Variants in ITPRID2 observed in about 807,000 individuals in gnomAD.
ITPRID2 encodes ITPR interacting domain containing 2.
A neutral mutation model predicts 124.3 loss-of-function variants in ITPRID2; 60 were observed. That is an observed-to-expected ratio of 0.48 (90% CI 0.39 to 0.60). The LOEUF (loss-of-function observed/expected upper bound fraction) is 0.60, where lower values mean the gene tolerates loss of function less well. Ranked by LOEUF, ITPRID2 falls within the 20% of genes least tolerant of loss-of-function variation. The pLI is 0.00. For missense variants in ITPRID2, 1,553 were observed against 1,512.2 expected, an observed-to-expected ratio of 1.03 and a Z score of -0.45; for synonymous variants, 521 against 542.9, an observed-to-expected ratio of 0.96 and a Z score of 0.56.
At chr2:181,913,469 A>G (rs957671825) in intron 9 of ITPRID2, among the ~76,000 whole-genome samples, 4 of 152,208 alleles carry the variant, frequency 2.6e-5, no homozygotes, top group South Asian at 4.1e-4. Context: ...ACATATTTAC[A>G]TAATGGAAAT....
At position 181,919,496 on chromosome 2, in the gene ITPRID2, A is replaced by G. The variant is rs746810024; in HGVS notation, c.3144+50A>G. 3 of 1,489,020 alleles carry G rather than the reference A, an allele frequency of 2.0e-6. No individual in the cohort carries two copies. The highest frequency in any genetic ancestry group is 2.7e-6 in the Non-Finnish European group (3 of 1,124,422). 92.2% of individuals were successfully genotyped at this position (1,489,020 alleles called of 1,614,324 possible). ...AGTTTTCACCAAAGGTTTATTTATA[A>G]TGTTCCAATAATTTAGGACGTGTGC... On this transcript the variant is annotated intron_variant, in intron 14 of 17. Transcript: ENST00000431877. The surrounding 1 kb of genome is among the most constrained non-coding windows in gnomAD (Gnocchi z 4.2).
Position 181,892,567 on chromosome 2 carries a change from C to G in ITPRID2, c.212-48C>G, listed in dbSNP as rs538772535. 1 of 1,612,098 alleles carries G rather than the reference C, an allele frequency of 6.2e-7. No individual in the cohort carries two copies. Among genetic ancestry groups the G allele is most frequent in the Non-Finnish European group, 8.5e-7 (1 of 1,178,202 alleles). ...GGAGGGTCCAGGGTGACTCCGCCGT[C>G]GTAGTGCTCCTGGGTGGTAACGTGC... is the stretch of plus-strand genomic sequence containing the variant. On this transcript the variant is annotated intron_variant, in intron 1 of 17. Transcript: ENST00000431877. This position sits in a 1 kb window ranked among gnomAD's most constrained non-coding sequence, Gnocchi z 5.2.
chr2:181,904,911 G>C (rs1692975829), intron 8 of ITPRID2, among the ~76,000 whole-genome samples: 1 of 152,158 alleles, frequency 6.6e-6, no homozygotes, highest in South Asian at 2.1e-4. Flanking sequence ...TGATGAGACT[G>C]CTCCTGGCCT....
intron 9 of ITPRID2, among the ~76,000 whole-genome samples, chr2:181,913,220 A>G (rs1367269945): frequency 2.0e-5 from 3 of 152,070 alleles, no homozygotes; most frequent in Non-Finnish European, 2.9e-5. Flanking sequence ...GGCACCCGCT[A>G]CCACGCCTGG....
At position 181,892,272 on chromosome 2, in the gene ITPRID2, G is replaced by C. The variant is rs560220325; in HGVS notation, c.206G>C (p.Gly69Ala). Residue 69 changes from glycine (G) to alanine (A), a missense_variant, in exon 1 of 18, where the codon GGA becomes GCA. By Grantham distance (60) the Gly-to-Ala change is moderately conservative. Transcript: ENST00000431877. The surrounding 1 kb of genome is among the most constrained non-coding windows in gnomAD (Gnocchi z 5.2). ...GGCGCGCAGCTGCCGGCAGCGGGGG[G>C]AAGAGGTCGGTGCTCCCGGCCGGGC... is the stretch of plus-strand genomic sequence containing the variant. ...LPGAQLPAAG[G>A]RGNVPNEKIA... is the part of the protein sequence containing the mutation. 2.7e-4 allele frequency: 410 copies of C among 1,547,102 alleles called. 7 individuals carry two copies. In the South Asian group the frequency reaches 4.6e-3, roughly 17 times the overall value.
rs1021664092 is a variant in ITPRID2, at chr2:181,891,753, C to G, written c.-314C>G. On this transcript the variant is annotated 5_prime_UTR_variant, in exon 1 of 18. Coordinates refer to ENST00000431877, the MANE Select transcript of ITPRID2 (RefSeq NM_001130445.3). ...GCAGACGCGCAGCGGCCGGCCTGCTCCGGGCGCGTCAGGCAGGGGGTGGGG... is the reference window on the plus strand; with the variant it reads ...GCAGACGCGCAGCGGCCGGCCTGCTGCGGGCGCGTCAGGCAGGGGGTGGGG... 1 of 159,900 alleles carries G rather than the reference C, an allele frequency of 6.3e-6. No homozygotes were observed. Among genetic ancestry groups the G allele is most frequent in the Non-Finnish European group, 1.3e-5 (1 of 74,084 alleles). The allele number at this position is 159,900 out of a possible 1,614,324, so 9.9% of individuals were successfully genotyped here.
intron 8 of ITPRID2, among the ~76,000 whole-genome samples, chr2:181,904,261 A>G (rs1270794176): frequency 1.4e-5 from 2 of 141,356 alleles, no homozygotes; most frequent in Admixed American, 1.4e-4. Flanking sequence ...GAAGAAAGCA[A>G]TGTAGCATTG....
intron 6 of ITPRID2, 115 bp from the exon 7 acceptor site, chr2:181,900,581 G>C: frequency 1.3e-6 from 1 of 765,030 alleles, no homozygotes; most frequent in Non-Finnish European, 2.1e-6. Context: ...AGCAGAAGCT[G>C]AGAAAAAAGA....
chr2:181,919,556 AAGCATGC>A lies in ITPRID2; in HGVS notation c.3144+112_3144+118del. The A allele has an allele frequency of 2.4e-6, 3 of 1,231,092 alleles. No homozygotes were observed. Among genetic ancestry groups the A allele is most frequent in the Non-Finnish European group, 3.3e-6 (3 of 912,198 alleles). 76.3% of individuals were successfully genotyped at this position (1,231,092 alleles called of 1,614,324 possible). On this transcript the variant is annotated intron_variant, in intron 14 of 17. Transcript: ENST00000431877. This position sits in a 1 kb window ranked among gnomAD's most constrained non-coding sequence, Gnocchi z 4.2. Reference sequence around the variant, plus strand: ...AAGTCATTTATTTTAATGGTATTAAAAGCATGCATACTGTTTAAGGAGCTTTCCCACA... The same window carrying A: ...AAGTCATTTATTTTAATGGTATTAAAATACTGTTTAAGGAGCTTTCCCACA...
In ITPRID2 at chr2:181,902,448, C is replaced by G; in HGVS notation, c.1395C>G (p.Asp465Glu). The change falls in exon 8 of 18, where the codon GAC (aspartate) becomes GAG (glutamate). Residue 465 changes from aspartate (D) to glutamate (E), a missense_variant. Physicochemically the swap from Asp to Glu is conservative, Grantham distance 45. Transcript: ENST00000431877. The surrounding 1 kb of genome is among the most constrained non-coding windows in gnomAD (Gnocchi z 4.4). ...SIRNIMTQQK[D>E]SFEMEEVQST... ...GAAATATAATGACACAGCAGAAGGA[C>G]TCCTTCGAAATGGAAGAGGTAGGTA... The G allele has an allele frequency of 2.6e-6, 4 of 1,566,200 alleles. No individual in the cohort carries two copies. Among genetic ancestry groups the G allele is most frequent in the Non-Finnish European group, 3.5e-6 (4 of 1,156,866 alleles).
At chr2:181,922,853 C>T (rs1411798707) in intron 16 of ITPRID2, among the ~76,000 whole-genome samples, 2 of 151,710 alleles carry the variant, frequency 1.3e-5, no homozygotes, top group African/African-American at 2.4e-5. Flanking sequence ...ACCTGGGAGG[C>T]GGAGGTTGCA....
In ITPRID2 at chr2:181,929,220, G is replaced by A. The variant is rs138549164; in HGVS notation, c.*14-341G>A. ...TAATATATATTAATAATAATTCTTG[G>A]TGAATGCAAAAAGAAAGAATAAGTT... On this transcript the variant is annotated intron_variant, in intron 17 of 17. Transcript: ENST00000431877. Among the ~76,000 whole-genome samples, 614 of 151,042 alleles carry A rather than the reference G, an allele frequency of 4.1e-3. 3 individuals carry two copies. Among genetic ancestry groups the A allele is most frequent in the African/African-American group, 0.014 (584 of 41,232 alleles).
rs942303269 is a variant in ITPRID2, at chr2:181,907,073, A to T, written c.1414-2826A>T. Among the ~76,000 whole-genome samples, 5 of 152,242 alleles carry T rather than the reference A, an allele frequency of 3.3e-5. No individual in the cohort carries two copies. Among genetic ancestry groups the T allele is most frequent in the African/African-American group, 1.2e-4 (5 of 41,470 alleles). ...GATATACAATGTTTATTCAATGATG[A>T]CAGCTATACAGTCTCTTTTTAAACT... On this transcript the variant is annotated intron_variant, in intron 8 of 17. Transcript: ENST00000431877. The surrounding 1 kb of genome is among the most constrained non-coding windows in gnomAD (Gnocchi z 5.1).
At chr2:181,897,508 G>C (rs1692299638) in intron 4 of ITPRID2, among the ~76,000 whole-genome samples, 1 of 151,926 alleles carries the variant, frequency 6.6e-6, no homozygotes, top group Admixed American at 6.6e-5. Flanking sequence ...ATTTTAAAAA[G>C]TGTGTTGTGC....
chr2:181,908,270 T>C (rs957528999), intron 8 of ITPRID2, among the ~76,000 whole-genome samples: 1 of 151,786 alleles, frequency 6.6e-6, no homozygotes. Context: ...AGATTAAATT[T>C]AAAAAAAACA....
rs183668928 is a variant in ITPRID2 at position 181,926,942 on chromosome 2, C to T, written c.3676-1219C>T. Among the ~76,000 whole-genome samples the T allele has an allele frequency of 7.5e-3, 1,148 of 152,216 alleles. 5 individuals carry two copies. Among genetic ancestry groups the T allele is most frequent in the Middle Eastern group, 0.014 (4 of 294 alleles). ...TTAAAATATTTGTATCCAACACATA[C>T]TTGTTTGAAAAGTAAATCTGAAGTG... On this transcript the variant is annotated intron_variant, in intron 16 of 17. Coordinates refer to ENST00000431877, the MANE Select transcript of ITPRID2 (RefSeq NM_001130445.3).
At chr2:181,908,766 T>C (rs1693359445) in intron 8 of ITPRID2, among the ~76,000 whole-genome samples, 1 of 152,204 alleles carries the variant, frequency 6.6e-6, no homozygotes, top group East Asian at 1.9e-4. Context: ...ATTTCACTCT[T>C]ATTCCTTTGG....
In ITPRID2 at chr2:181,928,283, A is replaced by G; in HGVS notation, c.*13+5A>G. ...ATCATTAAACAGAAATTATAGGTAAATTTTTCTGAGTTTCTTTGTTGAGCT... is the reference window on the plus strand; with the variant it reads ...ATCATTAAACAGAAATTATAGGTAAGTTTTTCTGAGTTTCTTTGTTGAGCT... On this transcript the variant is annotated splice_donor_5th_base_variant and intron_variant, in intron 17 of 17. Coordinates refer to ENST00000431877, the MANE Select transcript of ITPRID2 (RefSeq NM_001130445.3). 7 of 1,485,374 alleles carry G rather than the reference A, an allele frequency of 4.7e-6. No individual in the cohort carries two copies. Among genetic ancestry groups the G allele is most frequent in the Non-Finnish European group, 6.4e-6 (7 of 1,100,648 alleles). The allele number at this position is 1,485,374 out of a possible 1,614,324, so 92.0% of individuals were successfully genotyped here.
At chr2:181,903,909 C>G (rs571948871) in intron 8 of ITPRID2, among the ~76,000 whole-genome samples, 5 of 152,216 alleles carry the variant, frequency 3.3e-5, no homozygotes, top group African/African-American at 9.6e-5. Flanking sequence ...GGGCCCTCTT[C>G]TATGACAATT....
Sources: allele counts gnomAD v4.1 joint callset (sites outside exome capture counted in the v4.1 genomes callset), GRCh38; gene constraint gnomAD v4.1.1; non-coding constraint Gnocchi (gnomAD v3.1); transcripts MANE v1.5; gene names NCBI Gene and HGNC (gene_info 2026-07-23, HGNC 2026-07-21).